Variants in ZMYND8 observed in about 807,000 individuals in gnomAD.
ZMYND8 encodes MYND-type zinc finger-containing chromatin reader ZMYND8.
In ZMYND8, 37 loss-of-function variants were observed where a neutral mutation model predicts 140.8. The ratio of observed to expected loss-of-function variants is 0.26; its 90% CI spans 0.20 to 0.35. The LOEUF (loss-of-function observed/expected upper bound fraction) is 0.35. ZMYND8 is among the 10% of genes least tolerant of loss of function. The pLI is 1.00. For synonymous variants in ZMYND8, 592 were observed against 597.1 expected, an observed-to-expected ratio of 0.99 and a Z score of 0.12; for missense variants, 1,068 against 1,570.0, an observed-to-expected ratio of 0.68 and a Z score of 5.40.
At chr20:47,355,357 T>G in intron 1 of ZMYND8, 1 of 789,380 alleles carries the variant, frequency 1.3e-6, no homozygotes, top group Non-Finnish European at 1.5e-6. Flanking sequence ...AGCCCCCAAC[T>G]CCTGTAGCCA....
chr20:47,255,803 CGTATATATATATATTTGTAT>C (rs1569009424), intron 12 of ZMYND8, among the ~76,000 whole-genome samples: 1 of 47,084 alleles, frequency 2.1e-5, no homozygotes, highest in Non-Finnish European at 4.6e-5. Context: ...ATATATATAC[CGTATATATATATATTTGTAT>C]GTATATATAT....
Position 47,317,370 on chromosome 20 carries a change from C to G in ZMYND8, c.86-7166G>C, listed in dbSNP as rs139406793. On this transcript the variant is annotated intron_variant, in intron 2 of 22. Coordinates refer to ENST00000471951, the MANE Select transcript of ZMYND8 (RefSeq NM_001281775.3). ...CAGCCTCCATCAAGGCTAGGCCTCC[C>G]CAGCAGGCCACATCAGGTACCCGCC... 7.5e-4 allele frequency among the ~76,000 whole-genome samples: 114 copies of G among 152,284 alleles called. 1 individual carries two copies. Among genetic ancestry groups the G allele is most frequent in the African/African-American group, 2.6e-3 (107 of 41,568 alleles).
intron 19 of ZMYND8, 26 bp from the exon 20 acceptor site, chr20:47,221,500 G>A (rs765286479): frequency 2.0e-5 from 33 of 1,610,134 alleles, no homozygotes; most frequent in East Asian, 8.9e-5. Context: ...AGAGAGAGAC[G>A]CCACATATAC....
intron 12 of ZMYND8, among the ~76,000 whole-genome samples, chr20:47,252,536 C>T (rs781774906): frequency 3.9e-5 from 6 of 152,166 alleles, no homozygotes; most frequent in Non-Finnish European, 7.3e-5. Flanking sequence ...CCAAGTGACA[C>T]ATTCATCAGT....
At position 47,283,963 on chromosome 20, in the gene ZMYND8, C is replaced by T. The variant is rs145462209; in HGVS notation, c.805-315G>A. On this transcript the variant is annotated intron_variant, in intron 8 of 22. Transcript: ENST00000471951. The stretch of plus-strand genomic sequence containing the variant: ...TTTCCTCCAGAGTCTCACTCTGCTG[C>T]CCAGGCTGGAGTGCAGTGGCCCGAT... 5.7e-3 allele frequency among the ~76,000 whole-genome samples: 864 copies of T among 152,214 alleles called. 7 individuals carry two copies. Among genetic ancestry groups the T allele is most frequent in the South Asian group, 0.044 (214 of 4,810 alleles).
intron 2 of ZMYND8, among the ~76,000 whole-genome samples, chr20:47,336,654 C>T (rs145788714): frequency 1.0e-3 from 152 of 152,344 alleles, no homozygotes; most frequent in African/African-American, 3.2e-3. Flanking sequence ...GCCAGTCTCG[C>T]ACAGGGAATG....
intron 2 of ZMYND8, among the ~76,000 whole-genome samples, chr20:47,325,907 G>A (rs1347377771): frequency 6.6e-6 from 1 of 151,828 alleles, no homozygotes; most frequent in Non-Finnish European, 1.5e-5. Flanking sequence ...GAGTAACTGG[G>A]ATTACAGGCA....
In ZMYND8 at chr20:47,246,209, AG is replaced by A; in HGVS notation, c.2082del (p.Ser696ProfsTer11). On this transcript the variant is annotated frameshift_variant, in exon 14 of 23. Coordinates refer to ENST00000471951, the MANE Select transcript of ZMYND8 (RefSeq NM_001281775.3). LOFTEE classifies it high-confidence loss of function. ...KDKASPEPEK[D>X]FSEKAKPSPH... Reference sequence around the variant, plus strand: ...GGTGAAGGTTTTGCCTTTTCGGAAAAGTCCTTCTCAGGCTCAGGGCTGGCCT... The same window carrying A: ...GGTGAAGGTTTTGCCTTTTCGGAAAATCCTTCTCAGGCTCAGGGCTGGCCT... The A allele has an allele frequency of 6.2e-7, 1 of 1,614,136 alleles. No homozygotes were observed. Among genetic ancestry groups the A allele is most frequent in the Non-Finnish European group, 8.5e-7 (1 of 1,180,032 alleles).
rs561745342 is a variant in ZMYND8 at position 47,238,753 on chromosome 20, G to A, written c.2665+5C>T. On this transcript the variant is annotated splice_donor_5th_base_variant and intron_variant, in intron 15 of 22. Transcript: ENST00000471951. ...CCACGGAGAACAGAAGGGGAGGCTC[G>A]GTACCTTTCACAGCCTGTCTGGTCT... The A allele has an allele frequency of 3.1e-6, 5 of 1,607,800 alleles. No individual in the cohort carries two copies. Among genetic ancestry groups the A allele is most frequent in the East Asian group, 2.2e-5 (1 of 44,750 alleles).
At chr20:47,220,518 C>G (rs566404242) in intron 20 of ZMYND8, among the ~76,000 whole-genome samples, 194 bp from the exon 21 acceptor site, 1 of 152,234 alleles carries the variant, frequency 6.6e-6, no homozygotes, top group African/African-American at 2.4e-5. Context: ...ATCTCCCACA[C>G]TGAACAGACT....
chr20:47,262,139 CTT>C lies in ZMYND8; in HGVS notation c.1621+147_1621+148del, dbSNP rs1346069959. On this transcript the variant is annotated intron_variant, in intron 12 of 22. Coordinates refer to ENST00000471951, the MANE Select transcript of ZMYND8 (RefSeq NM_001281775.3). Reference sequence around the variant, plus strand: ...TCCCTTACTTATTCTTTTCACAGATCTTTTCTCACCTTCATCCTCTGAAACTT... The same window carrying C: ...TCCCTTACTTATTCTTTTCACAGATCTTCTCACCTTCATCCTCTGAAACTT... 6 of 1,122,508 alleles carry C rather than the reference CTT, an allele frequency of 5.3e-6. No homozygotes were observed. In the Admixed American group the frequency reaches 1.3e-4, roughly 25 times the overall value. 69.5% of individuals were successfully genotyped at this position (1,122,508 alleles called of 1,614,324 possible). A position where few individuals can be genotyped will look rare whatever the true frequency, so the allele number is the denominator to read the frequency against.
chr20:47,240,110 A>C (rs1165646873), intron 14 of ZMYND8, among the ~76,000 whole-genome samples: 2 of 151,904 alleles, frequency 1.3e-5, no homozygotes, highest in African/African-American at 4.8e-5. Context: ...GTGGTGGGAA[A>C]CTGAGGCAGG....
chr20:47,224,664 A>T, intron 18 of ZMYND8, 108 bp from the exon 19 acceptor site: 1 of 1,552,578 alleles, frequency 6.4e-7, no homozygotes, highest in Non-Finnish European at 8.7e-7. Flanking sequence ...CCTGGCTGGG[A>T]GAAGCCCTGG....
At chr20:47,281,630 A>G (rs1025513291) in intron 10 of ZMYND8, among the ~76,000 whole-genome samples, 2 of 152,168 alleles carry the variant, frequency 1.3e-5, no homozygotes, top group African/African-American at 2.4e-5. Flanking sequence ...GCAACCCCTT[A>G]TAACTTCCCA....
intron 12 of ZMYND8, among the ~76,000 whole-genome samples, chr20:47,251,355 G>A (rs2074154066): frequency 6.6e-6 from 1 of 152,084 alleles, no homozygotes; most frequent in Non-Finnish European, 1.5e-5. Flanking sequence ...GGAGGCAGAG[G>A]CAGGAGGATT....
intron 20 of ZMYND8, 67 bp from the exon 21 acceptor site, chr20:47,220,391 C>A: frequency 7.6e-7 from 1 of 1,322,850 alleles, no homozygotes; most frequent in Non-Finnish European, 1.1e-6. Flanking sequence ...ACAGGGAAAT[C>A]CAGGGAGTCA....
intron 4 of ZMYND8, 87 bp from the exon 5 acceptor site, chr20:47,294,866 A>C: frequency 1.6e-6 from 2 of 1,284,966 alleles, no homozygotes; most frequent in Admixed American, 1.8e-5. Context: ...CAGTCAACTG[A>C]CAGACAAAAA....
rs2035024089 is a variant in ZMYND8, at chr20:47,209,924, AGT to A, written c.*835_*836del. 1 of 152,210 alleles carries A rather than the reference AGT, an allele frequency of 6.6e-6. No homozygotes were observed. The highest frequency in any genetic ancestry group is 2.1e-4 in the South Asian group (1 of 4,832). The allele number at this position is 152,210 out of a possible 1,614,324, so 9.4% of individuals were successfully genotyped here. ...CAGCATCTCTGACCAAGTGTGTGTG[AGT>A]GTGTTTAAAGGAACCACAAAGCAAA... On this transcript the variant is annotated 3_prime_UTR_variant, in exon 23 of 23. Transcript: ENST00000471951.
intron 7 of ZMYND8, 47 bp downstream of exon 7, chr20:47,290,140 A>T: frequency 1.3e-6 from 2 of 1,545,804 alleles, no homozygotes; most frequent in Non-Finnish European, 1.8e-6. Flanking sequence ...AATTTGTGCA[A>T]CACATACACA....
Sources: allele counts gnomAD v4.1 joint callset (sites outside exome capture counted in the v4.1 genomes callset), GRCh38; gene constraint gnomAD v4.1.1; transcripts MANE v1.5; gene names NCBI Gene and HGNC (gene_info 2026-07-23, HGNC 2026-07-21).